Variants in QKI observed in about 807,000 individuals in gnomAD.
QKI encodes QKI, KH domain containing RNA binding.
In QKI, 10 loss-of-function variants were observed where a neutral mutation model predicts 39.0. That is an observed-to-expected ratio of 0.26 (90% confidence interval 0.16 to 0.43). The LOEUF (loss-of-function observed/expected upper bound fraction) is 0.43, where lower values mean the gene tolerates loss of function less well. QKI is among the 20% of genes least tolerant of loss of function. QKI has a pLI of 1.00. For missense variants in QKI, 218 were observed against 428.0 expected (o/e 0.51, Z 4.33); for synonymous variants, 204 against 155.4 (o/e 1.31, Z -2.33).
intron 4 of QKI, among the ~76,000 whole-genome samples, chr6:163,560,575 GCA>G (rs551260757): frequency 2.6e-4 from 40 of 152,274 alleles, no homozygotes; most frequent in Middle Eastern, 3.4e-3. Context: ...GTGGGAATAT[GCA>G]CAGAGATGAA....
intron 3 of QKI, among the ~76,000 whole-genome samples, chr6:163,496,365 C>G (rs1218650820): frequency 6.9e-6 from 1 of 145,712 alleles, no homozygotes; most frequent in African/African-American, 2.6e-5. Context: ...AGTTATTGTT[C>G]TAATTTTATA....
intron 1 of QKI, among the ~76,000 whole-genome samples, chr6:163,424,915 G>A (rs1788293202): frequency 1.3e-5 from 2 of 152,168 alleles, no homozygotes; most frequent in African/African-American, 4.8e-5. Flanking sequence ...ACAGGTGTTA[G>A]CCACTGCCCC....
intron 4 of QKI, among the ~76,000 whole-genome samples, chr6:163,555,974 A>G (rs544921120): frequency 7.5e-4 from 114 of 152,332 alleles, no homozygotes; most frequent in Non-Finnish European, 1.4e-3. Flanking sequence ...ATGGTTAAAC[A>G]TGAGGACTTT....
intron 3 of QKI, among the ~76,000 whole-genome samples, chr6:163,485,491 G>A (rs761379797): frequency 2.0e-5 from 3 of 152,124 alleles, no homozygotes; most frequent in South Asian, 4.1e-4. Flanking sequence ...CACCCTTTGG[G>A]TATATATATG....
chr6:163,545,789 T>TA lies in QKI; in HGVS notation c.546+10672dup, dbSNP rs889967208. 2.9e-4 allele frequency among the ~76,000 whole-genome samples: 44 copies of TA among 151,170 alleles called. 1 individual carries two copies. The highest frequency in any genetic ancestry group is 7.8e-4 in the East Asian group (4 of 5,150). On this transcript the variant is annotated intron_variant, in intron 4 of 7. Coordinates refer to ENST00000361752, the MANE Select transcript of QKI (RefSeq NM_006775.3). ...TTCTAAATTTTAGGCGTTGCAAATG[T>TA]AAAAAAAAGGGACCCTGGGCATAGA... is the stretch of plus-strand genomic sequence containing the variant.
chr6:163,514,943 C>G (rs555215941), intron 3 of QKI, among the ~76,000 whole-genome samples: 1 of 152,064 alleles, frequency 6.6e-6, no homozygotes, highest in African/African-American at 2.4e-5. Flanking sequence ...GACACCATAC[C>G]CCATTTAAAA....
chr6:163,426,424 C>G (rs1304322587), intron 1 of QKI, among the ~76,000 whole-genome samples: 2 of 152,172 alleles, frequency 1.3e-5, no homozygotes, highest in African/African-American at 4.8e-5. Context: ...GGCACAGTAA[C>G]TGGCTCTGCC....
intron 3 of QKI, among the ~76,000 whole-genome samples, chr6:163,486,078 A>C (rs750321176): frequency 6.6e-6 from 1 of 152,202 alleles, no homozygotes; most frequent in Non-Finnish European, 1.5e-5. Context: ...CACTTTTACT[A>C]TCTGTGCTGC....
chr6:163,457,105 A>G (rs1221365625), intron 2 of QKI, among the ~76,000 whole-genome samples: 1 of 152,168 alleles, frequency 6.6e-6, no homozygotes, highest in East Asian at 1.9e-4. Flanking sequence ...GTTTTTCACT[A>G]TCCTGGAAAG....
At chr6:163,427,180 A>G (rs1037379379) in intron 1 of QKI, among the ~76,000 whole-genome samples, 1 of 148,742 alleles carries the variant, frequency 6.7e-6, no homozygotes, top group African/African-American at 2.5e-5. Context: ...TTTAAAATTC[A>G]TTCATTCATT....
At chr6:163,440,295 G>T (rs1018766511) in intron 1 of QKI, among the ~76,000 whole-genome samples, 1 of 152,188 alleles carries the variant, frequency 6.6e-6, no homozygotes, top group Non-Finnish European at 1.5e-5. Context: ...ACAGCTTTTG[G>T]AGTCAGCTAG....
At chr6:163,488,121 T>C (rs527640156) in intron 3 of QKI, among the ~76,000 whole-genome samples, 7 of 152,310 alleles carry the variant, frequency 4.6e-5, no homozygotes, top group East Asian at 3.9e-4. Flanking sequence ...ATTGAAGATA[T>C]TATTTTTAAC....
intron 1 of QKI, 184 bp from the exon 2 acceptor site, chr6:163,455,095 T>G: frequency 7.3e-6 from 3 of 412,232 alleles, no homozygotes; most frequent in Non-Finnish European, 1.3e-5. Context: ...TAGTAGAAAT[T>G]AATTAAGGCT....
At chr6:163,531,988 T>C (rs1395016366) in intron 3 of QKI, among the ~76,000 whole-genome samples, 1 of 152,244 alleles carries the variant, frequency 6.6e-6, no homozygotes, top group African/African-American at 2.4e-5. Flanking sequence ...TATTTTTATA[T>C]TTTTAACTAT....
At chr6:163,441,190 T>C (rs555971108) in intron 1 of QKI, among the ~76,000 whole-genome samples, 1 of 152,318 alleles carries the variant, frequency 6.6e-6, no homozygotes, top group East Asian at 1.9e-4. Context: ...TCTCATCTGA[T>C]GTAAGATACA....
At chr6:163,516,303 T>A (rs938483898) in intron 3 of QKI, among the ~76,000 whole-genome samples, 1 of 152,286 alleles carries the variant, frequency 6.6e-6, no homozygotes, top group Admixed American at 6.5e-5. Flanking sequence ...TTTTATTTAT[T>A]TATTTTTTTG....
At chr6:163,491,243 G>A (rs1276719948) in intron 3 of QKI, among the ~76,000 whole-genome samples, 3 of 152,132 alleles carry the variant, frequency 2.0e-5, no homozygotes, top group African/African-American at 4.8e-5. Flanking sequence ...GTTTTAAAAA[G>A]ACATATATTT....
chr6:163,431,192 A>G (rs558333067), intron 1 of QKI, among the ~76,000 whole-genome samples: 170 of 152,156 alleles, frequency 1.1e-3, no homozygotes, highest in African/African-American at 4.0e-3. Flanking sequence ...GAAAAAAAAA[A>G]GTTATATTAT....
chr6:163,548,654 T>A (rs758450760), intron 4 of QKI, among the ~76,000 whole-genome samples: 2 of 150,048 alleles, frequency 1.3e-5, no homozygotes, highest in Non-Finnish European at 3.0e-5. Context: ...GAGTGCAGAG[T>A]GAGAGAGATT....
Sources: gnomAD v4.1 joint callset for allele counts (sites outside exome capture counted in the v4.1 genomes callset) on GRCh38, gnomAD v4.1.1 for gene constraint, MANE v1.5 for transcripts, NCBI Gene and HGNC (gene_info 2026-07-23, HGNC 2026-07-21) for gene names.